Variants in TBC1D32 observed in about 807,000 individuals in gnomAD.
TBC1D32 encodes the protein TBC1 domain family member 32, also known as protein broad-minded.
Under a neutral mutation model 170.3 loss-of-function variants are expected in TBC1D32, and 151 were observed. The observed-to-expected ratio is 0.89, with a 90% CI of 0.78 to 1.01. The LOEUF is 1.01. Ranked by LOEUF, TBC1D32 falls within the 50% of genes least tolerant of loss-of-function variation. The probability of loss-of-function intolerance (pLI) is 0.00; values close to 1 mark genes in which losing one functional copy is unlikely to be tolerated. For synonymous variants in TBC1D32, 498 were observed against 488.0 expected (o/e 1.02, Z -0.27); for missense variants, 1,464 against 1,457.1 (o/e 1.00, Z -0.08).
chr6:121,197,640 G>A lies in TBC1D32; in HGVS notation c.2570+7435C>T, dbSNP rs181120195. ...TAGTATTTGGGTTCAGGATTGAGGC[G>A]TTTCTGAGTGTAAGAAGGATAGCTG... On this transcript the variant is annotated intron_variant, in intron 22 of 31. Coordinates refer to ENST00000398212, the MANE Select transcript of TBC1D32 (RefSeq NM_152730.6). Among the ~76,000 whole-genome samples, 17 of 152,232 alleles carry A rather than the reference G, an allele frequency of 1.1e-4. No individual in the cohort carries two copies. The East Asian group carries it at 2.3e-3, about 21-fold the overall frequency.
intron 27 of TBC1D32, among the ~76,000 whole-genome samples, chr6:121,114,432 G>A (rs1001448988): frequency 1.3e-5 from 2 of 152,016 alleles, no homozygotes; most frequent in Admixed American, 1.3e-4. Flanking sequence ...AATAGCAATA[G>A]GGCATTATAA....
chr6:121,135,786 G>A (rs567686104), intron 24 of TBC1D32, among the ~76,000 whole-genome samples: 3 of 152,252 alleles, frequency 2.0e-5, no homozygotes, highest in Non-Finnish European at 4.4e-5. Context: ...ACAGAATGGA[G>A]AGTACTAGTT....
chr6:121,157,987 C>T (rs956949274), intron 24 of TBC1D32, among the ~76,000 whole-genome samples: 6 of 151,942 alleles, frequency 3.9e-5, no homozygotes, highest in East Asian at 1.9e-4. Flanking sequence ...CCTTGGGGAT[C>T]GTCATCCTGT....
chr6:121,243,011 T>C (rs1797183233), intron 17 of TBC1D32, among the ~76,000 whole-genome samples: 2 of 151,838 alleles, frequency 1.3e-5, no homozygotes, highest in African/African-American at 2.4e-5. Context: ...TATATAAATA[T>C]ATACATTAAT....
intron 17 of TBC1D32, among the ~76,000 whole-genome samples, chr6:121,247,067 G>A (rs1046255070): frequency 6.6e-6 from 1 of 151,990 alleles, no homozygotes; most frequent in African/African-American, 2.4e-5. Context: ...TAAGAGCTCT[G>A]AGAAAAAAGC....
chr6:121,138,749 CTA>C (rs1178252216), intron 24 of TBC1D32, among the ~76,000 whole-genome samples: 9 of 152,014 alleles, frequency 5.9e-5, no homozygotes, highest in African/African-American at 1.4e-4. Context: ...TATTTATAGA[CTA>C]TATGTGTAAG....
At chr6:121,242,486 T>A in intron 17 of TBC1D32, 147 bp from the exon 18 acceptor site, 1 of 675,208 alleles carries the variant, frequency 1.5e-6, no homozygotes, top group Non-Finnish European at 2.3e-6. Context: ...GGTTTAAAAT[T>A]AAATAAAAAC....
chr6:121,159,961 A>T, intron 24 of TBC1D32, 49 bp downstream of exon 24: 1 of 1,326,862 alleles, frequency 7.5e-7, no homozygotes, highest in Non-Finnish European at 1.1e-6. Flanking sequence ...TTTTCAAATT[A>T]TAACAAAAGC....
At chr6:121,323,429 A>T (rs575076642) in intron 1 of TBC1D32, among the ~76,000 whole-genome samples, 1 of 152,258 alleles carries the variant, frequency 6.6e-6, no homozygotes, top group African/African-American at 2.4e-5. Context: ...TCATACCAAT[A>T]CCTCATACCA....
chr6:121,211,558 A>G (rs1402777221), intron 21 of TBC1D32, among the ~76,000 whole-genome samples: 1 of 152,160 alleles, frequency 6.6e-6, no homozygotes, highest in Non-Finnish European at 1.5e-5. Flanking sequence ...GGGTGAGAAC[A>G]TATGATGTTT....
chr6:121,219,691 T>C (rs1049037215), intron 21 of TBC1D32, among the ~76,000 whole-genome samples: 11 of 152,244 alleles, frequency 7.2e-5, no homozygotes, highest in African/African-American at 2.7e-4. Context: ...ACTACAGGCA[T>C]ACCTTGTTTT....
At chr6:121,194,959 G>A (rs1018165066) in intron 22 of TBC1D32, among the ~76,000 whole-genome samples, 2 of 152,182 alleles carry the variant, frequency 1.3e-5, no homozygotes, top group East Asian at 1.9e-4. Context: ...TTCCACCTCA[G>A]TAAAATGTCT....
chr6:121,121,215 C>G (rs1319136695), intron 26 of TBC1D32, among the ~76,000 whole-genome samples: 2 of 151,968 alleles, frequency 1.3e-5, no homozygotes, highest in African/African-American at 4.8e-5. Flanking sequence ...AGGTTACATT[C>G]TAGCTGAAAC....
At position 121,161,258 on chromosome 6, in the gene TBC1D32, G is replaced by A. The variant is rs544061668; in HGVS notation, c.2571-202C>T. Among the ~76,000 whole-genome samples, 153 of 152,194 alleles carry A rather than the reference G, an allele frequency of 1.0e-3. 1 individual carries two copies. Among genetic ancestry groups the A allele is most frequent in the African/African-American group, 3.6e-3 (149 of 41,522 alleles). ...GTGCAGGTTTGTTACATAGGCAAAC[G>A]TGTGCCATGGTGGTTTGCTGCACAG... is the stretch of plus-strand genomic sequence containing the variant. On this transcript the variant is annotated intron_variant, in intron 22 of 31. Transcript: ENST00000398212.
At chr6:121,168,731 A>AAAAAAAAAAAAAAAC (rs1786499218) in intron 22 of TBC1D32, among the ~76,000 whole-genome samples, 1 of 145,050 alleles carries the variant, frequency 6.9e-6, no homozygotes, top group African/African-American at 2.6e-5. Flanking sequence ...AAAAAAAAAA[A>AAAAAAAAAAAAAAAC]AAATCAACAT....
chr6:121,231,849 T>G (rs943700316), intron 20 of TBC1D32, among the ~76,000 whole-genome samples: 1 of 152,164 alleles, frequency 6.6e-6, no homozygotes, highest in African/African-American at 2.4e-5. Flanking sequence ...TTGTGAAGAT[T>G]TTCTCCCACT....
At chr6:121,287,719 C>A (rs930730556) in intron 12 of TBC1D32, among the ~76,000 whole-genome samples, 1 of 152,130 alleles carries the variant, frequency 6.6e-6, no homozygotes, top group African/African-American at 2.4e-5. Context: ...AACACCACAC[C>A]GCACTTATTC....
At chr6:121,317,404 G>A (rs904883224) in intron 3 of TBC1D32, 91 bp downstream of exon 3, 1 of 997,542 alleles carries the variant, frequency 1.0e-6, no homozygotes, top group Non-Finnish European at 1.4e-6. Context: ...ATCTTAAGAA[G>A]GCAGGAAAAA....
At position 121,334,340 on chromosome 6, in the gene TBC1D32, G is replaced by A; in HGVS notation, c.91C>T (p.Pro31Ser). The A allele has an allele frequency of 6.2e-7, 1 of 1,614,118 alleles. No individual in the cohort carries two copies. Among genetic ancestry groups the A allele is most frequent in the Non-Finnish European group, 8.5e-7 (1 of 1,180,006 alleles). The change falls in exon 1 of 32, where the codon CCT becomes TCT. Residue 31 changes from proline to serine, a missense_variant. Coordinates refer to ENST00000398212, the MANE Select transcript of TBC1D32 (RefSeq NM_152730.6). ...QSVKEKITGA[P>S]SLECAEEILL... is the part of the protein sequence containing the mutation. ...ATCTCTTCGGCACACTCCAGGGAAG[G>A]GGCACCCGTGATTTTCTCCTTCACG...
Sources: allele counts gnomAD v4.1 joint callset (sites outside exome capture counted in the v4.1 genomes callset), GRCh38; gene constraint gnomAD v4.1.1; transcripts MANE v1.5; gene names NCBI Gene and HGNC (gene_info 2026-07-23, HGNC 2026-07-21).